The following CALN1 variants were observed in gnomAD, a reference collection of about 807,000 sequenced individuals.
CALN1 encodes the protein calcium-binding protein 8.
A neutral mutation model predicts 30.6 loss-of-function variants in CALN1; 17 were observed. The ratio of observed to expected loss-of-function variants is 0.56; its 90% CI spans 0.38 to 0.83. The LOEUF is 0.83. CALN1 is among the 40% of genes least tolerant of loss of function. CALN1 has a pLI of 0.00. For missense variants in CALN1, 291 were observed against 354.9 expected, an observed-to-expected ratio of 0.82 and a Z score of 1.45; for synonymous variants, 156 against 131.4, an observed-to-expected ratio of 1.19 and a Z score of -1.28.
chr7:71,898,109 C>T (rs1793649999), intron 5 of CALN1, among the ~76,000 whole-genome samples: 1 of 150,486 alleles, frequency 6.6e-6, no homozygotes, highest in East Asian at 2.0e-4. Context: ...ATAGTTGGAT[C>T]ACCTGAGGTC....
chr7:71,843,508 A>G (rs559632972), intron 5 of CALN1, among the ~76,000 whole-genome samples: 15 of 152,150 alleles, frequency 9.9e-5, no homozygotes, highest in Non-Finnish European at 1.8e-4. Flanking sequence ...CTGGAGTCAC[A>G]GCTACTTGAA....
chr7:72,227,296 T>C (rs1793755137), intron 3 of CALN1, among the ~76,000 whole-genome samples: 1 of 151,222 alleles, frequency 6.6e-6, no homozygotes, highest in Non-Finnish European at 1.5e-5. Flanking sequence ...TCTCAGAACT[T>C]TGAGAGGCCA....
At chr7:72,175,598 A>AAG (rs1235763461) in intron 3 of CALN1, among the ~76,000 whole-genome samples, 1 of 152,140 alleles carries the variant, frequency 6.6e-6, no homozygotes. Context: ...CCTAACCAGG[A>AAG]AGAATAATCC....
chr7:72,028,671 C>A (rs77530041), intron 4 of CALN1, among the ~76,000 whole-genome samples: 35 of 152,102 alleles, frequency 2.3e-4, no homozygotes, highest in African/African-American at 7.0e-4. Context: ...GTATGTTTTT[C>A]GCTTGTGATA....
chr7:71,929,646 T>C lies in CALN1; in HGVS notation c.501+94011A>G, dbSNP rs75539860. On this transcript the variant is annotated intron_variant, in intron 5 of 6. Coordinates refer to ENST00000395275, the MANE Select transcript of CALN1 (RefSeq NM_031468.4). ...ATGCCACTTTTGTTTATTCATCAGC[T>C]GAAGGACATTTGGGTTATGTCCACT... 3.7e-3 allele frequency among the ~76,000 whole-genome samples: 564 copies of C among 152,374 alleles called. 2 individuals are homozygous for C. The highest frequency in any genetic ancestry group is 0.011 in the Admixed American group (166 of 15,312).
At chr7:72,408,731 C>T (rs1806887176) in intron 1 of CALN1, among the ~76,000 whole-genome samples, 2 of 114,464 alleles carry the variant, frequency 1.7e-5, no homozygotes, top group East Asian at 2.8e-4. Flanking sequence ...GGTTGGAGTG[C>T]AGAGGCGCAA....
chr7:72,499,913 C>CTTTCTTTCT, the CALN1 span, among the ~76,000 whole-genome samples: 2 of 29,956 alleles, frequency 6.7e-5, no homozygotes, highest in East Asian at 1.3e-3. Context: ...TTCTTTCTTT[C>CTTTCTTTCT]TATCTTTCTC....
chr7:72,263,018 C>G (rs1585298514), intron 3 of CALN1, among the ~76,000 whole-genome samples: 2 of 152,342 alleles, frequency 1.3e-5, no homozygotes, highest in East Asian at 3.9e-4. Context: ...TGGGCCTGTC[C>G]TGGCAGAACA....
In CALN1 at chr7:71,994,240, G is replaced by A. The variant is rs375662251; in HGVS notation, c.501+29417C>T. Among the ~76,000 whole-genome samples the A allele has an allele frequency of 1.5e-4, 23 of 152,206 alleles. No homozygotes were observed. In the East Asian group the frequency reaches 2.7e-3, roughly 18 times the overall value. On this transcript the variant is annotated intron_variant, in intron 5 of 6. Coordinates refer to ENST00000395275, the MANE Select transcript of CALN1 (RefSeq NM_031468.4). Reference sequence around the variant, plus strand: ...CAGATAGTAAAATTGGGCCAGGCACGGTGGCCCATGCCTATAATCCCAGCA... The same window carrying A: ...CAGATAGTAAAATTGGGCCAGGCACAGTGGCCCATGCCTATAATCCCAGCA...
intron 2 of CALN1, among the ~76,000 whole-genome samples, chr7:72,350,236 A>G (rs1802848531): frequency 6.6e-6 from 1 of 152,206 alleles, no homozygotes; most frequent in African/African-American, 2.4e-5. Context: ...AGATTACTCA[A>G]AGAACTCAGA....
intron 5 of CALN1, among the ~76,000 whole-genome samples, chr7:71,933,255 T>A (rs564412274): frequency 6.6e-6 from 1 of 151,918 alleles, no homozygotes. Flanking sequence ...ATAATAAGAG[T>A]AGGGTGAGGT....
intron 3 of CALN1, among the ~76,000 whole-genome samples, chr7:72,131,265 A>G (rs1233323914): frequency 6.6e-6 from 1 of 152,160 alleles, no homozygotes; most frequent in Non-Finnish European, 1.5e-5. Context: ...GCGGGGATGT[A>G]CAAGATCCTT....
intron 1 of CALN1, among the ~76,000 whole-genome samples, chr7:72,410,329 A>T (rs999848724): frequency 6.6e-6 from 1 of 152,180 alleles, no homozygotes; most frequent in South Asian, 2.1e-4. Flanking sequence ...ATATCTTACT[A>T]CTAAGATGTA....
At chr7:72,464,083 A>G in the CALN1 span, among the ~76,000 whole-genome samples, 1 of 78,462 alleles carries the variant, frequency 1.3e-5, no homozygotes, top group African/African-American at 8.6e-5. Flanking sequence ...AGAAAGAAAA[A>G]GAAAGAAAGA....
At chr7:71,887,982 C>A (rs1793013944) in intron 5 of CALN1, among the ~76,000 whole-genome samples, 1 of 152,020 alleles carries the variant, frequency 6.6e-6, no homozygotes, top group Admixed American at 6.6e-5. Context: ...GTCTGTAGGG[C>A]AACTGGTGCA....
chr7:72,060,578 G>C (rs1407573803), intron 4 of CALN1, among the ~76,000 whole-genome samples: 1 of 152,142 alleles, frequency 6.6e-6, no homozygotes, highest in African/African-American at 2.4e-5. Flanking sequence ...AAACATGTGA[G>C]ATGGTTTGGA....
At chr7:71,996,358 C>G (rs1799252290) in intron 5 of CALN1, among the ~76,000 whole-genome samples, 1 of 152,164 alleles carries the variant, frequency 6.6e-6, no homozygotes, top group African/African-American at 2.4e-5. Context: ...TGAGATGAGT[C>G]AGACATTGAA....
intron 3 of CALN1, among the ~76,000 whole-genome samples, chr7:72,135,994 G>A (rs531483920): frequency 1.2e-4 from 18 of 152,166 alleles, no homozygotes; most frequent in East Asian, 5.8e-4. Flanking sequence ...TAAGCTGGGC[G>A]TGGTGGTAGA....
At chr7:72,442,253 A>T (rs576036687) in intron 1 of CALN1, among the ~76,000 whole-genome samples, 1 of 152,258 alleles carries the variant, frequency 6.6e-6, no homozygotes, top group East Asian at 1.9e-4. Context: ...TCTTTCCTCA[A>T]CACAGCAGTG....
Sources: gnomAD v4.1 joint callset for allele counts (sites outside exome capture counted in the v4.1 genomes callset) on GRCh38, gnomAD v4.1.1 for gene constraint, MANE v1.5 for transcripts, NCBI Gene and HGNC (gene_info 2026-07-23, HGNC 2026-07-21) for gene names.